NBPF12: variants seen among roughly 807,000 people sequenced by gnomAD.
NBPF12 encodes NBPF family member NBPF12.
NBPF12 carries 115 observed loss-of-function variants against 146.4 expected under a neutral mutation model. That is an observed-to-expected ratio of 0.79 (90% CI 0.68 to 0.92). The LOEUF (loss-of-function observed/expected upper bound fraction) is 0.92. Ranked by LOEUF, NBPF12 falls within the 40% of genes least tolerant of loss-of-function variation. The probability of loss-of-function intolerance (pLI) is 0.00; values close to 1 mark genes in which losing one functional copy is unlikely to be tolerated. For missense variants in NBPF12, 1,205 were observed against 1,326.8 expected, an observed-to-expected ratio of 0.91 and a Z score of 1.43; for synonymous variants, 385 against 508.9, an observed-to-expected ratio of 0.76 and a Z score of 3.28.
intron 9 of NBPF12, 66 bp downstream of exon 12, chr1:146,966,739 A>G: frequency 1.1e-6 from 1 of 921,782 alleles, no homozygotes; most frequent in South Asian, 1.3e-5. Context: ...CTGAGAAACT[A>G]AGTGCTCTCT....
chr1:146,939,999 C>A (rs1426632390), intron 1 of NBPF12, among the ~76,000 whole-genome samples: 1 of 150,934 alleles, frequency 6.6e-6, no homozygotes, highest in Non-Finnish European at 1.5e-5. Flanking sequence ...AAAAAAAAAG[C>A]CTTTTCTTGC....
chr1:146,995,648 A>T (rs1345853455), exon 34 of NBPF12: 2 of 150,044 alleles, frequency 1.3e-5, no homozygotes, highest in Non-Finnish European at 2.9e-5. Context: ...GATTAAATTC[A>T]GCCTAAACTT....
intron 2 of NBPF12, among the ~76,000 whole-genome samples, chr1:146,952,411 C>T (rs879233179): frequency 2.6e-5 from 4 of 151,998 alleles, no homozygotes; most frequent in East Asian, 1.9e-4. Context: ...CATAATTGAG[C>T]GAGGCTGTAC....
At chr1:146,951,240 C>G in intron 1 of NBPF12, 108 bp from the exon 5 acceptor site, 2 of 666,318 alleles carry the variant, frequency 3.0e-6, no homozygotes, top group Non-Finnish European at 5.4e-6. Flanking sequence ...ACACAGGGCA[C>G]TCAAGTGAAC....
At chr1:146,978,260 ATTTTTTTTT>A (rs1187524068) in intron 18 of NBPF12, among the ~76,000 whole-genome samples, 3 of 83,922 alleles carry the variant, frequency 3.6e-5, no homozygotes, top group East Asian at 3.8e-4. Context: ...AGCGTCGTAG[ATTTTTTTTT>A]TTTTTTTTTT....
chr1:146,953,044 C>T (rs1655394909), intron 2 of NBPF12, among the ~76,000 whole-genome samples: 1 of 151,016 alleles, frequency 6.6e-6, no homozygotes, highest in South Asian at 2.1e-4. Context: ...CTGTAAAGGT[C>T]CTGTGGCGCC....
chr1:146,975,398 C>A (rs1656924230), intron 15 of NBPF12, among the ~76,000 whole-genome samples: 1 of 148,926 alleles, frequency 6.7e-6, no homozygotes, highest in African/African-American at 2.6e-5. Flanking sequence ...GAAAGGATGT[C>A]TTTTTGAAAC....
intron 8 of NBPF12, among the ~76,000 whole-genome samples, chr1:146,965,356 C>T (rs1656118138): frequency 6.6e-6 from 1 of 151,260 alleles, no homozygotes; most frequent in Non-Finnish European, 1.5e-5. Context: ...AAAAATTAGG[C>T]AGTCATGGTG....
At chr1:146,971,351 A>T in exon 13 of NBPF12, 1 of 1,611,676 alleles carries the variant, frequency 6.2e-7, no homozygotes. Context: ...TAGACAGAGA[A>T]TCCTCTCATG....
chr1:146,968,736 T>C (rs1385544749), intron 10 of NBPF12, among the ~76,000 whole-genome samples, 186 bp downstream of exon 13: 2 of 151,694 alleles, frequency 1.3e-5, no homozygotes, highest in Admixed American at 1.3e-4. Flanking sequence ...TGGGTTGCAG[T>C]TGTTTCTCAG....
At chr1:146,948,597 C>A (rs1655178126), upstream of NBPF12, among the ~76,000 whole-genome samples, 1 of 152,158 alleles carries the variant, frequency 6.6e-6, no homozygotes, top group East Asian at 1.9e-4. Flanking sequence ...CCCAGAGACA[C>A]TACACTGCGG....
chr1:146,949,796 CACTCT>C (rs1358759591), intron 1 of NBPF12, among the ~76,000 whole-genome samples: 37 of 152,038 alleles, frequency 2.4e-4, no homozygotes, highest in African/African-American at 8.7e-4. Flanking sequence ...AGCAGGGAGA[CACTCT>C]ACTCTGACTC....
At chr1:146,966,943 T>A (rs1656250148) in intron 9 of NBPF12, among the ~76,000 whole-genome samples, 1 of 150,664 alleles carries the variant, frequency 6.6e-6, no homozygotes, top group Non-Finnish European at 1.5e-5. Context: ...ACCTGTTTTC[T>A]CCAAGAGGCT....
chr1:146,972,075 GA>G (rs1220299979), intron 13 of NBPF12, among the ~76,000 whole-genome samples: 4 of 137,750 alleles, frequency 2.9e-5, no homozygotes, highest in African/African-American at 1.1e-4. Context: ...GAGACAGAGC[GA>G]GACTCCATCT....
intron 9 of NBPF12, among the ~76,000 whole-genome samples, chr1:146,967,924 G>A (rs1209557403): frequency 2.1e-5 from 3 of 144,532 alleles, no homozygotes; most frequent in African/African-American, 8.0e-5. Context: ...GGTGTTATGT[G>A]TCACACTTTA....
At chr1:146,952,320 T>C (rs1395650922) in intron 2 of NBPF12, among the ~76,000 whole-genome samples, 1,602 of 152,224 alleles carry the variant, frequency 0.011, 50 homozygotes, top group African/African-American at 0.036. Context: ...TAGGGCCGTG[T>C]GGTCTGTGGT....
chr1:146,971,424 C>A (rs1656603570), intron 13 of NBPF12, 30 bp downstream of exon 16: 1 of 1,571,528 alleles, frequency 6.4e-7, no homozygotes, highest in African/African-American at 1.4e-5. Context: ...TGTCTCATAC[C>A]TCTGTCTAGG....
chr1:146,963,636 G>C (rs1334389893), intron 6 of NBPF12, among the ~76,000 whole-genome samples: 6,509 of 151,908 alleles, frequency 0.043, 527 homozygotes, highest in African/African-American at 0.15. Context: ...AAGAATGAAG[G>C]TTCCCAGGCT....
intron 1 of NBPF12, among the ~76,000 whole-genome samples, chr1:146,941,756 A>T (rs1553882854): frequency 0.17 from 18,272 of 108,768 alleles, 1,785 homozygotes; most frequent in Middle Eastern, 0.27. Flanking sequence ...TCTGTCTTGT[A>T]CCAAAAAAAA....
Sources: allele counts gnomAD v4.1 joint callset (sites outside exome capture counted in the v4.1 genomes callset), GRCh38; gene constraint gnomAD v4.1.1; transcripts MANE v1.5; gene names NCBI Gene and HGNC (gene_info 2026-07-23, HGNC 2026-07-21).